Variants in PTPRD observed in about 807,000 individuals in gnomAD.
PTPRD encodes protein tyrosine phosphatase receptor type D.
Under a neutral mutation model 214.5 loss-of-function variants are expected in PTPRD, and 34 were observed. That is an observed-to-expected ratio of 0.16 (90% confidence interval 0.12 to 0.21). The LOEUF is 0.21. Among genes scored for constraint, PTPRD ranks in the 10% least tolerant of loss-of-function variants. The pLI, the probability that PTPRD is intolerant of heterozygous loss-of-function variation, is 1.00. For synonymous variants in PTPRD, 1,128 were observed against 845.7 expected (o/e 1.33, Z -5.79); for missense variants, 2,545 against 2,398.7 (o/e 1.06, Z -1.27).
At chr9:9,282,096 T>A (rs1569567042) in intron 9 of PTPRD, among the ~76,000 whole-genome samples, 3 of 150,696 alleles carry the variant, frequency 2.0e-5, no homozygotes, top group African/African-American at 7.3e-5. Flanking sequence ...TTACCCAGAG[T>A]AAGGAAGGAA....
intron 5 of PTPRD, among the ~76,000 whole-genome samples, chr9:9,783,898 C>T (rs1293489905): frequency 2.7e-5 from 4 of 150,144 alleles, no homozygotes; most frequent in South Asian, 2.1e-4. Context: ...TCAGTGCATA[C>T]GCAAGTGATA....
At chr9:9,506,456 T>C (rs2096573416) in intron 8 of PTPRD, among the ~76,000 whole-genome samples, 1 of 151,436 alleles carries the variant, frequency 6.6e-6, no homozygotes, top group Non-Finnish European at 1.5e-5. Flanking sequence ...TTTAGAATCC[T>C]GCCTTTTTGT....
At chr9:8,322,209 AGTTAATAACCCTACAATGGCCTCT>A (rs1276848335) in intron 44 of PTPRD, among the ~76,000 whole-genome samples, 1 of 151,980 alleles carries the variant, frequency 6.6e-6, no homozygotes, top group Non-Finnish European at 1.5e-5. Flanking sequence ...AAATTAGGCC[AGTTAATAACCCTACAATGGCCTCT>A]AAGTGTTCAA....
At chr9:10,296,185 T>C (rs2095667299) in intron 3 of PTPRD, among the ~76,000 whole-genome samples, 1 of 152,148 alleles carries the variant, frequency 6.6e-6, no homozygotes, top group Middle Eastern at 3.2e-3. Context: ...ATTCTTGTTC[T>C]GTGTAAAAAT....
intron 8 of PTPRD, among the ~76,000 whole-genome samples, chr9:9,402,985 AAAAACAC>A (rs1161097910): frequency 8.2e-4 from 121 of 147,260 alleles, no homozygotes; most frequent in African/African-American, 2.8e-3. Context: ...AAAAAAAAAA[AAAAACAC>A]CAAAAAAAAA....
chr9:9,627,033 G>T (rs1485399599), intron 7 of PTPRD, among the ~76,000 whole-genome samples: 2 of 152,200 alleles, frequency 1.3e-5, no homozygotes, highest in Non-Finnish European at 2.9e-5. Flanking sequence ...TCGTTTGCAG[G>T]CTGGGTGTGG....
chr9:8,370,016 A>G (rs10758964), intron 39 of PTPRD, among the ~76,000 whole-genome samples: 87,203 of 151,658 alleles, frequency 0.57, 28,074 homozygotes, highest in Non-Finnish European at 0.74. Context: ...CATAAGGAAC[A>G]AGGCTCAAAA....
intron 7 of PTPRD, among the ~76,000 whole-genome samples, chr9:9,594,636 T>C (rs1592487536): frequency 6.6e-6 from 1 of 152,156 alleles, no homozygotes; most frequent in Non-Finnish European, 1.5e-5. Flanking sequence ...TCTGTGTGCC[T>C]ATTTTAACAG....
intron 33 of PTPRD, among the ~76,000 whole-genome samples, chr9:8,455,691 ATTC>A (rs1229823631): frequency 1.3e-5 from 2 of 152,208 alleles, no homozygotes; most frequent in African/African-American, 2.4e-5. Context: ...ACATTGGTTA[ATTC>A]TTCTTATTCT....
In PTPRD at chr9:9,658,471, G is replaced by A. The variant is rs140976671; in HGVS notation, c.-287+76062C>T. The stretch of plus-strand genomic sequence containing the variant: ...AGATTTCCTTCTTTACTGTTTTTCC[G>A]AACATCTAGTACAATGAATGACATG... On this transcript the variant is annotated intron_variant, in intron 7 of 45. Transcript: ENST00000381196. 2.9e-3 allele frequency among the ~76,000 whole-genome samples: 439 copies of A among 152,046 alleles called. 3 individuals are homozygous for A. Among genetic ancestry groups the A allele is most frequent in the African/African-American group, 0.01 (418 of 41,504 alleles).
intron 2 of PTPRD, among the ~76,000 whole-genome samples, chr9:10,358,728 G>T (rs984487883): frequency 6.6e-6 from 1 of 151,810 alleles, no homozygotes; most frequent in Non-Finnish European, 1.5e-5. Context: ...ATATTATACT[G>T]TAACATAATT....
chr9:10,219,130 G>T (rs2099554550), intron 3 of PTPRD, among the ~76,000 whole-genome samples: 2 of 151,500 alleles, frequency 1.3e-5, no homozygotes, highest in Admixed American at 6.6e-5. Flanking sequence ...GGACTGACGG[G>T]GGATCTGATA....
At chr9:8,656,607 G>T (rs989538011) in intron 12 of PTPRD, among the ~76,000 whole-genome samples, 6 of 152,150 alleles carry the variant, frequency 3.9e-5, no homozygotes, top group African/African-American at 9.7e-5. Flanking sequence ...GCATTTGAAG[G>T]CCACTCTTAT....
chr9:8,373,723 C>G (rs1564365149), intron 39 of PTPRD, among the ~76,000 whole-genome samples: 1 of 150,964 alleles, frequency 6.6e-6, no homozygotes, highest in Middle Eastern at 3.5e-3. Context: ...TGCTTGCAAA[C>G]ATTTTTGTAT....
chr9:8,667,738 G>A (rs1171382384), intron 12 of PTPRD, among the ~76,000 whole-genome samples: 2 of 151,902 alleles, frequency 1.3e-5, no homozygotes, highest in East Asian at 3.9e-4. Flanking sequence ...ATCTCATTAT[G>A]TATATGCAAA....
chr9:9,835,038 G>T (rs74897817), intron 5 of PTPRD, among the ~76,000 whole-genome samples: 1 of 151,646 alleles, frequency 6.6e-6, no homozygotes, highest in Admixed American at 6.6e-5. Context: ...TAGTAGATAG[G>T]GTACTTAGTT....
At chr9:9,311,317 T>C (rs952187884) in intron 9 of PTPRD, among the ~76,000 whole-genome samples, 15 of 152,170 alleles carry the variant, frequency 9.9e-5, no homozygotes, top group African/African-American at 3.6e-4. Context: ...TGTTGTCATA[T>C]AATAAAAGAT....
At chr9:8,923,284 C>T (rs1264530432) in intron 11 of PTPRD, among the ~76,000 whole-genome samples, 5 of 151,996 alleles carry the variant, frequency 3.3e-5, no homozygotes, top group East Asian at 1.9e-4. Context: ...TTAGGTGATC[C>T]GCCTGCTTCT....
At chr9:8,406,539 A>G (rs762451168) in intron 35 of PTPRD, among the ~76,000 whole-genome samples, 8 of 152,342 alleles carry the variant, frequency 5.3e-5, no homozygotes, top group Middle Eastern at 3.4e-3. Context: ...CCTACAGCCT[A>G]AATTCTAAAT....
Sources: allele counts gnomAD v4.1 joint callset (sites outside exome capture counted in the v4.1 genomes callset), GRCh38; gene constraint gnomAD v4.1.1; transcripts MANE v1.5; gene names NCBI Gene and HGNC (gene_info 2026-07-23, HGNC 2026-07-21).